The following TRAF7 variants were observed in gnomAD, a reference collection of about 807,000 sequenced individuals.
TRAF7 encodes the protein E3 ubiquitin-protein ligase TRAF7.
Under a neutral mutation model 89.3 loss-of-function variants are expected in TRAF7, and 45 were observed. The ratio of observed to expected loss-of-function variants is 0.50; its 90% CI spans 0.40 to 0.65. The LOEUF is 0.65. Ranked by LOEUF, TRAF7 falls within the 30% of genes least tolerant of loss-of-function variation. The probability of loss-of-function intolerance (pLI) is 0.00; values close to 1 mark genes in which losing one functional copy is unlikely to be tolerated. For synonymous variants in TRAF7, 406 were observed against 369.2 expected, an observed-to-expected ratio of 1.10 and a Z score of -1.14; for missense variants, 677 against 918.1, an observed-to-expected ratio of 0.74 and a Z score of 3.39.
At chr16:2,173,643 C>G (rs2093122854) in intron 11 of TRAF7, 89 bp downstream of exon 11, 1 of 1,574,486 alleles carries the variant, frequency 6.4e-7, no homozygotes, top group Admixed American at 1.7e-5. Context: ...CTTGCCTACA[C>G]TAGTCAAGAT....
chr16:2,171,304 G>A lies in TRAF7; in HGVS notation c.389G>A (p.Cys130Tyr), dbSNP rs376879458. 158 of 1,556,348 alleles carry A rather than the reference G, an allele frequency of 1.0e-4. No individual in the cohort carries two copies. The highest frequency in any genetic ancestry group is 1.3e-4 in the Non-Finnish European group (152 of 1,150,640). The change falls in exon 6 of 21, where the codon TGC (cysteine) becomes TAC (tyrosine). Residue 130 changes from cysteine to tyrosine, a missense_variant. Transcript: ENST00000326181. ...VFAEQPSVKL[C>Y]CQLCCSVFKD... is the part of the protein sequence containing the mutation. Reference sequence around the variant, plus strand: ...GCGGAGCAGCCCTCGGTGAAGCTGTGCTGTCAGCTCTGCTGCAGCGTCTTC... The same window carrying A: ...GCGGAGCAGCCCTCGGTGAAGCTGTACTGTCAGCTCTGCTGCAGCGTCTTC...
At chr16:2,156,830 T>C (rs1167984225) in intron 1 of TRAF7, among the ~76,000 whole-genome samples, 1 of 152,082 alleles carries the variant, frequency 6.6e-6, no homozygotes, top group Non-Finnish European at 1.5e-5. Flanking sequence ...TTTCTAACTG[T>C]GTGTGGACCA....
At chr16:2,170,486 T>A (rs1016706487) in intron 4 of TRAF7, 128 bp from the exon 5 acceptor site, 7 of 674,776 alleles carry the variant, frequency 1.0e-5, no homozygotes, top group Non-Finnish European at 1.8e-5. Context: ...ACGAGGAGAG[T>A]ACCCGCAGGG....
At chr16:2,166,821 G>A (rs560127635) in intron 3 of TRAF7, among the ~76,000 whole-genome samples, 86 of 152,362 alleles carry the variant, frequency 5.6e-4, no homozygotes, top group Admixed American at 3.6e-3. Context: ...GAACGCAAGC[G>A]CCGTGCTCAG....
intron 2 of TRAF7, among the ~76,000 whole-genome samples, chr16:2,165,458 C>T (rs1350905810): frequency 7.6e-6 from 1 of 131,380 alleles, no homozygotes; most frequent in South Asian, 2.5e-4. Context: ...GTGGCCTGGC[C>T]TGGTCGCATG....
chr16:2,164,125 GT>G (rs2093068402), intron 2 of TRAF7, 124 bp downstream of exon 2: 2 of 790,726 alleles, frequency 2.5e-6, no homozygotes, highest in Non-Finnish European at 2.0e-6. Flanking sequence ...GGGGAGCTCG[GT>G]GGGGGGGGGT....
chr16:2,159,639 G>A lies in TRAF7; in HGVS notation c.-39+3781G>A, dbSNP rs1186329945. ...AGGGGCCACGCTCGGAGCTCTGGCCGCAGTCCAGCCAGCCGGCCACACACA... is the reference window on the plus strand; with the variant it reads ...AGGGGCCACGCTCGGAGCTCTGGCCACAGTCCAGCCAGCCGGCCACACACA... On this transcript the variant is annotated intron_variant, in intron 1 of 20. Transcript: ENST00000326181. The surrounding 1 kb of genome is among the most constrained non-coding windows in gnomAD (Gnocchi z 6.5). 1.3e-5 allele frequency among the ~76,000 whole-genome samples: 2 copies of A among 152,156 alleles called. No individual in the cohort carries two copies. The highest frequency in any genetic ancestry group is 2.9e-5 in the Non-Finnish European group (2 of 68,000).
At chr16:2,173,859 T>TTCCCCC in intron 12 of TRAF7, 23 bp downstream of exon 12, 11 of 1,246,236 alleles carry the variant, frequency 8.8e-6, no homozygotes, top group Admixed American at 4.0e-5. Context: ...CCGCCGTGGC[T>TTCCCCC]CCCGCCCACC....
chr16:2,174,468 G>C, intron 14 of TRAF7, 135 bp downstream of exon 14: 2 of 757,350 alleles, frequency 2.6e-6, no homozygotes, highest in South Asian at 1.8e-5. Flanking sequence ...CCTCCACCCG[G>C]AGCAGCACTG....
In TRAF7 at chr16:2,173,277, G is replaced by A. The variant is rs755925380; in HGVS notation, c.890G>A (p.Arg297His). 8.1e-6 allele frequency: 13 copies of A among 1,613,504 alleles called. No individual in the cohort carries two copies. Among genetic ancestry groups the A allele is most frequent in the East Asian group, 2.2e-5 (1 of 44,874 alleles). Residue 297 changes from arginine to histidine, a missense_variant, in exon 10 of 21, where the codon CGC becomes CAC. Arg to His is a conservative substitution (Grantham distance 29, BLOSUM62 0). Around this residue, in one of 6 missense-constraint regions of TRAF7, gnomAD observed 238 missense variants for 352.6 expected, o/e 0.67. Transcript: ENST00000326181. ...GAGTTTCTGCAGCAGACGGATGACC[G>A]CTTCCACGAGATGCACGTGGCTCTG... ...LKEFLQQTDD[R>H]FHEMHVALAQ...
chr16:2,171,867 G>T (rs1217748178), intron 7 of TRAF7, among the ~76,000 whole-genome samples: 14 of 152,196 alleles, frequency 9.2e-5, no homozygotes. Context: ...CCATGCCAGG[G>T]TTGGCACCCT....
chr16:2,169,247 G>A (rs2093098810), intron 4 of TRAF7, among the ~76,000 whole-genome samples: 1 of 152,196 alleles, frequency 6.6e-6, no homozygotes, highest in African/African-American at 2.4e-5. Context: ...GCCTTCCAAA[G>A]TGCTGGGATT....
Position 2,163,523 on chromosome 16 carries a change from C to T in TRAF7, c.-38-360C>T, listed in dbSNP as rs549044362. 90 of 271,864 alleles carry T rather than the reference C, an allele frequency of 3.3e-4. No individual in the cohort carries two copies. Among genetic ancestry groups the T allele is most frequent in the African/African-American group, 1.9e-3 (83 of 43,778 alleles). 16.8% of individuals were successfully genotyped at this position (271,864 alleles called of 1,614,324 possible). ...ACCCACCAAGGCCCAGCCTTGGCCCCAGGGACATTCAGCCTGGAGGTGACT... is the reference window on the plus strand; with the variant it reads ...ACCCACCAAGGCCCAGCCTTGGCCCTAGGGACATTCAGCCTGGAGGTGACT... On this transcript the variant is annotated intron_variant, in intron 1 of 20. Coordinates refer to ENST00000326181, the MANE Select transcript of TRAF7 (RefSeq NM_032271.3). The surrounding 1 kb of genome is among the most constrained non-coding windows in gnomAD (Gnocchi z 4.3).
chr16:2,165,267 A>T (rs1206200082), intron 2 of TRAF7, among the ~76,000 whole-genome samples: 4 of 135,880 alleles, frequency 2.9e-5, no homozygotes, highest in African/African-American at 2.9e-5. Flanking sequence ...TCGCATGGTT[A>T]AGCGTGTTAG....
rs1290546986 is a variant in TRAF7, at chr16:2,173,820, C to T, written c.1119C>T (p.Asn373=). The T allele has an allele frequency of 1.2e-6, 2 of 1,610,970 alleles. No homozygotes were observed. The highest frequency in any genetic ancestry group is 1.7e-6 in the Non-Finnish European group (2 of 1,179,858). Residue 373 remains asparagine, a synonymous_variant, in exon 12 of 21, where the codon AAC becomes AAT. Transcript: ENST00000326181. ...TGTCCCACATCAACGCGCGGCTGAA[C>T]ATGGGCATCCTAGGCTGTGAGTATG... The part of the protein sequence containing the change: ...DELSHINARL[N]MGILGSYDPQ...
chr16:2,162,043 A>G lies in TRAF7; in HGVS notation c.-38-1840A>G, dbSNP rs1348578413. On this transcript the variant is annotated intron_variant, in intron 1 of 20. Coordinates refer to ENST00000326181, the MANE Select transcript of TRAF7 (RefSeq NM_032271.3). This position sits in a 1 kb window ranked among gnomAD's most constrained non-coding sequence, Gnocchi z 5.0. ...CTCGAGTCGCAGTGGGGCCTGGGGA[A>G]GGCCGAGGGAGGCTTTGGCCAGGCC... Among the ~76,000 whole-genome samples, 1 of 152,066 alleles carries G rather than the reference A, an allele frequency of 6.6e-6. No homozygotes were observed. Among genetic ancestry groups the G allele is most frequent in the Admixed American group, 6.5e-5 (1 of 15,280 alleles).
intron 2 of TRAF7, among the ~76,000 whole-genome samples, 168 bp downstream of exon 2, chr16:2,164,169 CGCGCGCGCGCGCACGCGTGCGTGT>C (rs1351793218): frequency 4.6e-5 from 5 of 109,700 alleles, no homozygotes; most frequent in East Asian, 2.4e-4. Context: ...TGCGCGCGCG[CGCGCGCGCGCGCACGCGTGCGTGT>C]GTGGTTGGGG....
rs765441523 is a variant in TRAF7 at position 2,173,240 on chromosome 16, G to A, written c.853G>A (p.Glu285Lys). 3 of 1,613,064 alleles carry A rather than the reference G, an allele frequency of 1.9e-6. No homozygotes were observed. The highest frequency in any genetic ancestry group is 1.1e-5 in the South Asian group (1 of 91,040). The change falls in exon 10 of 21, where the codon GAG becomes AAG. Residue 285 changes from glutamate to lysine, a missense_variant. Glu to Lys is a moderately conservative substitution (Grantham distance 56, BLOSUM62 1). Coordinates refer to ENST00000326181, the MANE Select transcript of TRAF7 (RefSeq NM_032271.3). ...GACCCACCTGGAGACTTGCCGCTTC[G>A]AGGGCCTGAAGGAGTTTCTGCAGCA... Reference protein sequence around the residue: ...YETHLETCRFEGLKEFLQQTD... With the variant: ...YETHLETCRFKGLKEFLQQTD...
rs375899231 is a variant in TRAF7, at chr16:2,175,421, C to T, written c.1503+4C>T. The T allele has an allele frequency of 1.7e-4, 273 of 1,613,272 alleles. 1 individual carries two copies. The highest frequency in any genetic ancestry group is 1.2e-3 in the African/African-American group (92 of 75,056). On this transcript the variant is annotated splice_donor_region_variant and intron_variant, in intron 16 of 20. Transcript: ENST00000326181. Reference sequence around the variant, plus strand: ...CGGCTCCCTGAAGGCCATCAAGGTACGGGTGGAGGCTGTGCCTACGTGTGT... The same window carrying T: ...CGGCTCCCTGAAGGCCATCAAGGTATGGGTGGAGGCTGTGCCTACGTGTGT...
Sources: gnomAD v4.1 joint callset for allele counts (sites outside exome capture counted in the v4.1 genomes callset) on GRCh38, gnomAD v4.1.1 for gene constraint, gnomAD v4.1.1 regional missense constraint, Gnocchi (gnomAD v3.1) non-coding constraint, MANE v1.5 for transcripts, NCBI Gene and HGNC (gene_info 2026-07-23, HGNC 2026-07-21) for gene names.